Variants in EZH2 observed in about 807,000 individuals in gnomAD.
EZH2 encodes the protein histone-lysine N-methyltransferase EZH2.
EZH2 carries 18 observed loss-of-function variants against 98.4 expected under a neutral mutation model. That is an observed-to-expected ratio of 0.18 (90% CI 0.13 to 0.27). The LOEUF is 0.27. EZH2 is among the 10% of genes least tolerant of loss of function. The pLI, the probability that EZH2 is intolerant of heterozygous loss-of-function variation, is 1.00. For missense variants in EZH2, 470 were observed against 935.1 expected, an observed-to-expected ratio of 0.50 and a Z score of 6.49; for synonymous variants, 338 against 312.3, an observed-to-expected ratio of 1.08 and a Z score of -0.87.
chr7:148,841,244 G>T (rs947030531), intron 3 of EZH2, among the ~76,000 whole-genome samples: 6 of 143,032 alleles, frequency 4.2e-5, no homozygotes, highest in African/African-American at 1.3e-4. Flanking sequence ...CTGCTCACAA[G>T]AAAAAAAAAA....
At chr7:148,843,854 C>CA (rs1377708925) in intron 3 of EZH2, among the ~76,000 whole-genome samples, 1 of 152,014 alleles carries the variant, frequency 6.6e-6, no homozygotes, top group African/African-American at 2.4e-5. Flanking sequence ...CTCGGCCTCC[C>CA]AAAGTGCTGG....
intron 1 of EZH2, among the ~76,000 whole-genome samples, chr7:148,871,193 C>G (rs1455373393): frequency 6.6e-6 from 1 of 151,844 alleles, no homozygotes; most frequent in African/African-American, 2.4e-5. Flanking sequence ...CAGAAAATAA[C>G]AAGTGTTGGC....
intron 16 of EZH2, among the ~76,000 whole-genome samples, chr7:148,811,106 C>G (rs2129468686): frequency 6.6e-6 from 1 of 152,236 alleles, no homozygotes; most frequent in South Asian, 2.1e-4. Context: ...ACGAGAAAAA[C>G]TAAATGTGGC....
At chr7:148,826,313 AAAT>A (rs1326947902) in intron 8 of EZH2, 138 bp downstream of exon 8, 11 of 645,316 alleles carry the variant, frequency 1.7e-5, no homozygotes, top group Non-Finnish European at 2.0e-5. Flanking sequence ...AACAAAGTAA[AAAT>A]AATAATACTG....
chr7:148,873,557 A>ATTTTTTTTTTTTTT (rs58553084), intron 1 of EZH2, among the ~76,000 whole-genome samples: 1 of 79,936 alleles, frequency 1.3e-5, no homozygotes, highest in Non-Finnish European at 2.3e-5. Flanking sequence ...CATGCTCTTC[A>ATTTTTTTTTTTTTT]TTTTTTTTTT....
chr7:148,865,664 G>A (rs1818338160), intron 1 of EZH2, among the ~76,000 whole-genome samples: 2 of 152,182 alleles, frequency 1.3e-5, no homozygotes, highest in Admixed American at 1.3e-4. Context: ...TTTGTGGTAA[G>A]GCATCTTCCC....
chr7:148,830,365 G>A (rs180790929), intron 4 of EZH2, among the ~76,000 whole-genome samples: 19 of 152,258 alleles, frequency 1.2e-4, no homozygotes, highest in African/African-American at 4.6e-4. Flanking sequence ...GATGTTAATA[G>A]AGGATGATGA....
chr7:148,827,395 T>C, intron 6 of EZH2, 129 bp from the exon 7 acceptor site: 1 of 655,606 alleles, frequency 1.5e-6, no homozygotes, highest in Non-Finnish European at 2.6e-6. Flanking sequence ...TTTTGTGTTT[T>C]ACTTACTTCT....
chr7:148,814,862 C>T, intron 14 of EZH2, 52 bp downstream of exon 14: 1 of 1,576,852 alleles, frequency 6.3e-7, no homozygotes, highest in Non-Finnish European at 8.6e-7. Context: ...AAATTGCTAA[C>T]CAAAGACCTA....
intron 7 of EZH2, 126 bp downstream of exon 7, chr7:148,827,038 T>C: frequency 1.5e-6 from 1 of 664,562 alleles, no homozygotes; most frequent in South Asian, 2.4e-5. Flanking sequence ...TTGCTTCAAG[T>C]ATCTTGCAAA....
At chr7:148,821,042 G>C (rs1171562160) in intron 8 of EZH2, 1 of 152,070 alleles carries the variant, frequency 6.6e-6, no homozygotes, top group Admixed American at 6.6e-5. Flanking sequence ...AATTTGTCTA[G>C]CAGGCTTTCT....
chr7:148,833,330 G>A (rs1217109942), intron 3 of EZH2, among the ~76,000 whole-genome samples: 3 of 151,752 alleles, frequency 2.0e-5, no homozygotes, highest in East Asian at 3.9e-4. Flanking sequence ...GGTGGCGCGC[G>A]CCTGTAGTCC....
intron 1 of EZH2, among the ~76,000 whole-genome samples, chr7:148,848,750 T>C (rs541323802): frequency 5.9e-5 from 9 of 152,332 alleles, no homozygotes; most frequent in Admixed American, 2.0e-4. Flanking sequence ...ATGGAGCTGA[T>C]AGTCTACCTA....
intron 16 of EZH2, 149 bp downstream of exon 16, chr7:148,811,476 C>G (rs1035647295): frequency 1.7e-5 from 11 of 633,784 alleles, no homozygotes; most frequent in Admixed American, 5.7e-5. Flanking sequence ...GCATGCAAAT[C>G]CACAAACATG....
intron 1 of EZH2, among the ~76,000 whole-genome samples, chr7:148,857,518 G>C (rs1817004397): frequency 6.6e-6 from 1 of 151,988 alleles, no homozygotes; most frequent in African/African-American, 2.4e-5. Context: ...TTGGGAGGCT[G>C]AGGCAGGCGG....
chr7:148,854,217 G>A (rs979331994), intron 1 of EZH2, among the ~76,000 whole-genome samples: 36 of 152,236 alleles, frequency 2.4e-4, no homozygotes, highest in African/African-American at 7.5e-4. Flanking sequence ...AGGCCAAGAT[G>A]GGCAGATCAT....
intron 18 of EZH2, 58 bp from the exon 19 acceptor site, chr7:148,809,213 G>T: frequency 6.3e-7 from 1 of 1,587,430 alleles, no homozygotes; most frequent in South Asian, 1.1e-5. Context: ...GGGGTTAACT[G>T]ACTTGTTCAC....
intron 11 of EZH2, chr7:148,817,007 T>C (rs1019255978): frequency 1.0e-5 from 6 of 602,208 alleles, no homozygotes; most frequent in Non-Finnish European, 1.7e-5. Flanking sequence ...TAAAAGCTAC[T>C]GCTATCTAAC....
intron 6 of EZH2, among the ~76,000 whole-genome samples, chr7:148,827,752 ACT>A (rs756610804): frequency 2.0e-5 from 3 of 152,132 alleles, no homozygotes; most frequent in African/African-American, 4.8e-5. Context: ...CCAACTATTG[ACT>A]CTGTTTCTTC....
Sources: allele counts gnomAD v4.1 joint callset (sites outside exome capture counted in the v4.1 genomes callset), GRCh38; gene constraint gnomAD v4.1.1; transcripts MANE v1.5; gene names NCBI Gene and HGNC (gene_info 2026-07-23, HGNC 2026-07-21).